Variants in GATAD2A observed in about 807,000 individuals in gnomAD.
GATAD2A encodes the protein GATA zinc finger domain containing 2A, also known as transcriptional repressor p66-alpha.
GATAD2A carries 12 observed loss-of-function variants against 68.5 expected under a neutral mutation model. The observed-to-expected ratio is 0.18, with a 90% CI of 0.11 to 0.28. The LOEUF (loss-of-function observed/expected upper bound fraction) is 0.28, where lower values mean the gene tolerates loss of function less well. GATAD2A is among the 10% of genes least tolerant of loss of function. The probability of loss-of-function intolerance (pLI) is 1.00; values close to 1 mark genes in which losing one functional copy is unlikely to be tolerated. For missense variants in GATAD2A, 755 were observed against 868.5 expected (o/e 0.87, Z 1.64); for synonymous variants, 410 against 375.3 (o/e 1.09, Z -1.07).
chr19:19,421,677 G>A (rs907277561), intron 1 of GATAD2A, among the ~76,000 whole-genome samples: 2 of 152,138 alleles, frequency 1.3e-5, no homozygotes, highest in Admixed American at 6.5e-5. Flanking sequence ...CCTAGTCCGT[G>A]TTGGACATGG....
chr19:19,449,779 G>C (rs2056172811), intron 1 of GATAD2A, among the ~76,000 whole-genome samples: 1 of 152,122 alleles, frequency 6.6e-6, no homozygotes, highest in Non-Finnish European at 1.5e-5. Context: ...CTGAGCAAGA[G>C]AGTGAGATCC....
intron 1 of GATAD2A, among the ~76,000 whole-genome samples, chr19:19,394,934 A>C (rs1301857437): frequency 6.6e-6 from 1 of 152,108 alleles, no homozygotes; most frequent in African/African-American, 2.4e-5. Context: ...TGTTAGAAGG[A>C]GAGTTTCTGG....
intron 2 of GATAD2A, among the ~76,000 whole-genome samples, chr19:19,475,954 C>T (rs1039210015): frequency 2.0e-5 from 3 of 152,208 alleles, no homozygotes; most frequent in Admixed American, 6.5e-5. Context: ...ACATGAGGGC[C>T]GTAGCATGAG....
At chr19:19,466,070 C>T (rs969145279) in intron 2 of GATAD2A, among the ~76,000 whole-genome samples, 4 of 152,220 alleles carry the variant, frequency 2.6e-5, no homozygotes, top group East Asian at 1.9e-4. Flanking sequence ...GCACCCTCCT[C>T]GGAGCGGGTA....
intron 1 of GATAD2A, among the ~76,000 whole-genome samples, chr19:19,417,821 A>T (rs564142784): frequency 6.6e-6 from 1 of 152,222 alleles, no homozygotes; most frequent in Non-Finnish European, 1.5e-5. Flanking sequence ...AAGATTGGGT[A>T]GGGATTAACT....
intron 1 of GATAD2A, among the ~76,000 whole-genome samples, chr19:19,457,740 CAA>C (rs563484205): frequency 2.3e-4 from 24 of 106,404 alleles, no homozygotes; most frequent in Admixed American, 4.9e-4. Context: ...GACTGTGTCT[CAA>C]AAAAAAAAAA....
At chr19:19,406,610 A>C (rs2050302010) in intron 1 of GATAD2A, among the ~76,000 whole-genome samples, 1 of 152,122 alleles carries the variant, frequency 6.6e-6, no homozygotes, top group Non-Finnish European at 1.5e-5. Context: ...GGCCTTTCTC[A>C]AGGCCCGACA....
chr19:19,419,499 GATCTCTAC>G (rs1480313818), intron 1 of GATAD2A, among the ~76,000 whole-genome samples: 2 of 141,058 alleles, frequency 1.4e-5, no homozygotes, highest in African/African-American at 5.2e-5. Flanking sequence ...GGTCTGTAAT[GATCTCTAC>G]ATCTTTTTTT....
At chr19:19,485,686 C>T (rs555992671) in intron 2 of GATAD2A, among the ~76,000 whole-genome samples, 1 of 152,298 alleles carries the variant, frequency 6.6e-6, no homozygotes, top group South Asian at 2.1e-4. Context: ...AAAACCAGCC[C>T]AGGTCAAGTA....
In GATAD2A at chr19:19,390,792, G is replaced by C. The variant is rs138288932; in HGVS notation, c.-7+4654G>C. 3.9e-5 allele frequency among the ~76,000 whole-genome samples: 6 copies of C among 152,292 alleles called. No homozygotes were observed. In the East Asian group the frequency reaches 1.2e-3, roughly 29 times the overall value. On this transcript the variant is annotated intron_variant, in intron 1 of 11. Transcript: ENST00000360315. ...TGAGTCCAGCAGTTACCTGGTGAGT[G>C]ATCTGTTCTTACACTTTAGAACCTT...
intron 5 of GATAD2A, 90 bp from the exon 6 acceptor site, chr19:19,495,664 T>A: frequency 8.8e-7 from 1 of 1,136,760 alleles, no homozygotes; most frequent in African/African-American, 1.6e-5. Context: ...AACTAGTATG[T>A]ACTTTCATAA....
chr19:19,409,544 G>C (rs1224979327), intron 1 of GATAD2A, among the ~76,000 whole-genome samples: 1 of 152,184 alleles, frequency 6.6e-6, no homozygotes, highest in Non-Finnish European at 1.5e-5. Flanking sequence ...GCTGCTTCGG[G>C]AGGTAGCTTT....
intron 1 of GATAD2A, among the ~76,000 whole-genome samples, chr19:19,386,619 C>CCTCTCTAGGGGACCCCGT (rs991763681): frequency 6.6e-6 from 1 of 151,806 alleles, no homozygotes; most frequent in Non-Finnish European, 1.5e-5. Context: ...AGGATCCCCA[C>CCTCTCTAGGGGACCCCGT]CTCTCTAGGG....
intron 1 of GATAD2A, among the ~76,000 whole-genome samples, chr19:19,425,780 T>TTTTTC (rs1454166843): frequency 6.6e-6 from 1 of 151,546 alleles, no homozygotes; most frequent in Admixed American, 6.6e-5. Flanking sequence ...AGTGGTTTTC[T>TTTTTC]TTTTCTTTTC....
chr19:19,389,196 G>A (rs1031250036), intron 1 of GATAD2A, among the ~76,000 whole-genome samples: 4 of 152,066 alleles, frequency 2.6e-5, no homozygotes, highest in Admixed American at 6.6e-5. Context: ...ATGGTCCAAA[G>A]GACAGGAATG....
Position 19,505,695 on chromosome 19 carries a change from C to T in GATAD2A, c.*221C>T. The T allele has an allele frequency of 2.1e-6, 1 of 478,460 alleles. No homozygotes were observed. The highest frequency in any genetic ancestry group is 3.6e-6 in the Non-Finnish European group (1 of 274,390). 29.6% of individuals were successfully genotyped at this position (478,460 alleles called of 1,614,324 possible). ...CCTCATAGGCAGACGAGGATCATCG[C>T]TGGGGGACCTTTCCCGTGGGCTTTC... On this transcript the variant is annotated 3_prime_UTR_variant, in exon 12 of 12. Coordinates refer to ENST00000683918, the MANE Select transcript of GATAD2A (RefSeq NM_001384528.1).
At chr19:19,502,085 G>A (rs759247752) in intron 10 of GATAD2A, 42 bp downstream of exon 10, 17 of 1,456,576 alleles carry the variant, frequency 1.2e-5, no homozygotes, top group Middle Eastern at 1.7e-4. Flanking sequence ...CGCCCCCACC[G>A]CAGCCCGTGA....
intron 2 of GATAD2A, among the ~76,000 whole-genome samples, chr19:19,491,170 G>T (rs565006754): frequency 1.4e-3 from 215 of 152,326 alleles, no homozygotes; most frequent in Non-Finnish European, 2.4e-3. Context: ...CTGGCCTGCA[G>T]TTAGCACAGA....
upstream of GATAD2A, among the ~76,000 whole-genome samples, chr19:19,401,244 CCTT>C (rs1046527974): frequency 1.5e-5 from 2 of 129,316 alleles, no homozygotes; most frequent in Non-Finnish European, 3.2e-5. Context: ...GAAGGAGTCT[CCTT>C]CTGTCGCACA....
Sources: allele counts gnomAD v4.1 joint callset (sites outside exome capture counted in the v4.1 genomes callset), GRCh38; gene constraint gnomAD v4.1.1; transcripts MANE v1.5; gene names NCBI Gene and HGNC (gene_info 2026-07-23, HGNC 2026-07-21).